Variants in TBC1D2B observed in about 807,000 individuals in gnomAD.
TBC1D2B encodes the protein TBC1 domain family member 2B, also known as TBC1 domain family, member 2B.
In TBC1D2B, 64 loss-of-function variants were observed where a neutral mutation model predicts 100.8. The observed-to-expected ratio is 0.64, with a 90% CI of 0.52 to 0.78. The LOEUF (loss-of-function observed/expected upper bound fraction) is 0.78, where lower values mean the gene tolerates loss of function less well. Among genes scored for constraint, TBC1D2B ranks in the 30% least tolerant of loss-of-function variants. TBC1D2B has a pLI of 0.00. For missense variants in TBC1D2B, 1,052 were observed against 1,218.4 expected (o/e 0.86, Z 2.03); for synonymous variants, 480 against 479.7 (o/e 1.00, Z -0.01).
chr15:78,018,426 A>T (rs1424181531), intron 6 of TBC1D2B, among the ~76,000 whole-genome samples: 1 of 152,230 alleles, frequency 6.6e-6, no homozygotes, highest in Non-Finnish European at 1.5e-5. Context: ...GCCCATAACT[A>T]AAAATCACTC....
At chr15:78,029,059 ATTT>A (rs145096122) in intron 4 of TBC1D2B, among the ~76,000 whole-genome samples, 4 of 145,994 alleles carry the variant, frequency 2.7e-5, no homozygotes, top group African/African-American at 1.0e-4. Context: ...TGTGGTTATA[ATTT>A]TTTTTTTTTT....
intron 9 of TBC1D2B, among the ~76,000 whole-genome samples, chr15:78,012,015 T>C (rs1296073586): frequency 6.6e-6 from 1 of 152,214 alleles, no homozygotes; most frequent in Non-Finnish European, 1.5e-5. Context: ...GCTCAAGCGA[T>C]CCTTCCACCT....
At chr15:78,022,829 G>A (rs1235525379) in intron 6 of TBC1D2B, among the ~76,000 whole-genome samples, 2 of 152,004 alleles carry the variant, frequency 1.3e-5, no homozygotes, top group Non-Finnish European at 2.9e-5. Context: ...TATCACAGGC[G>A]TGAGCCACTA....
At chr15:78,036,343 G>T (rs1001408750) in intron 3 of TBC1D2B, among the ~76,000 whole-genome samples, 2 of 152,202 alleles carry the variant, frequency 1.3e-5, no homozygotes, top group Non-Finnish European at 1.5e-5. Flanking sequence ...TGCAAGCCAG[G>T]TCACTTGCTA....
At chr15:78,009,276 T>C (rs2141644220) in intron 9 of TBC1D2B, among the ~76,000 whole-genome samples, 162 bp from the exon 10 acceptor site, 1 of 152,330 alleles carries the variant, frequency 6.6e-6, no homozygotes, top group Admixed American at 6.5e-5. Flanking sequence ...GGCTCACGCC[T>C]ATTATACTAG....
chr15:78,016,153 A>C (rs1468639769), intron 8 of TBC1D2B, among the ~76,000 whole-genome samples: 1 of 152,048 alleles, frequency 6.6e-6, no homozygotes, highest in African/African-American at 2.4e-5. Flanking sequence ...TTCCCCAAAA[A>C]TATATGGGGG....
In TBC1D2B at chr15:78,025,482, C is replaced by T; in HGVS notation, c.863G>A (p.Gly288Glu). 1.2e-6 allele frequency: 2 copies of T among 1,612,308 alleles called. No homozygotes were observed. The highest frequency in any genetic ancestry group is 1.7e-6 in the Non-Finnish European group (2 of 1,179,140). The change falls in exon 5 of 13, where the codon GGA becomes GAA. Residue 288 changes from glycine to glutamate, a missense_variant. Transcript: ENST00000300584. ...GTTACGTCCAAAATCAAAGGGGAATCCTGAGCCAGTTACTCCTACATAAAA... is the reference window on the plus strand; with the variant it reads ...GTTACGTCCAAAATCAAAGGGGAATTCTGAGCCAGTTACTCCTACATAAAA... ...PEGNKGVTGS[G>E]FPFDFGRNPY...
intron 6 of TBC1D2B, among the ~76,000 whole-genome samples, chr15:78,023,067 C>A (rs1232673959): frequency 6.6e-6 from 1 of 152,088 alleles, no homozygotes; most frequent in Non-Finnish European, 1.5e-5. Flanking sequence ...CTTCAGGGTC[C>A]CTAGCATGCC....
chr15:78,061,551 T>C (rs2073545952), intron 1 of TBC1D2B, among the ~76,000 whole-genome samples: 1 of 150,554 alleles, frequency 6.6e-6, no homozygotes. Flanking sequence ...CCAGGCTGGG[T>C]GACAGAGCGA....
rs1473797716 is a variant in TBC1D2B, at chr15:77,997,042, G to A, written c.*1118C>T. ...GAACAAGGATGTTCCAGGCAGTGGT[G>A]GGGTGGGCACACATCTGGGAGAGCT... is the stretch of plus-strand genomic sequence containing the variant. On this transcript the variant is annotated 3_prime_UTR_variant, in exon 13 of 13. Coordinates refer to ENST00000300584, the MANE Select transcript of TBC1D2B (RefSeq NM_144572.2). 1 of 152,244 alleles carries A rather than the reference G, an allele frequency of 6.6e-6. No individual in the cohort carries two copies. Among genetic ancestry groups the A allele is most frequent in the East Asian group, 1.9e-4 (1 of 5,200 alleles). The allele number at this position is 152,244 out of a possible 1,614,324, so 9.4% of individuals were successfully genotyped here. A position where few individuals can be genotyped will look rare whatever the true frequency, so the allele number is the denominator to read the frequency against.
At chr15:78,034,508 C>T in intron 3 of TBC1D2B, 1 of 985,440 alleles carries the variant, frequency 1.0e-6, no homozygotes, top group Non-Finnish European at 1.2e-6. Flanking sequence ...TGCTCCTCAG[C>T]TCTGGTTCCT....
intron 3 of TBC1D2B, among the ~76,000 whole-genome samples, chr15:78,039,910 C>T (rs370024581): frequency 6.6e-6 from 1 of 152,138 alleles, no homozygotes; most frequent in African/African-American, 2.4e-5. Context: ...ACAATGTGAC[C>T]CCACTCTTGA....
At chr15:78,034,563 A>C (rs1292628227) in intron 3 of TBC1D2B, 1 of 985,274 alleles carries the variant, frequency 1.0e-6, no homozygotes, top group Non-Finnish European at 1.2e-6. Flanking sequence ...GGACACCCCC[A>C]CACGGCCTGG....
chr15:77,998,127 G>A lies in TBC1D2B; in HGVS notation c.*33C>T. On this transcript the variant is annotated 3_prime_UTR_variant, in exon 13 of 13. Transcript: ENST00000300584. ...TTCACCCTTTGGGCACACTTTGGTT[G>A]TGAAGGAAGGAAGAGCAGCATCCCG... The A allele has an allele frequency of 6.8e-7, 1 of 1,480,410 alleles. No individual in the cohort carries two copies. Among genetic ancestry groups the A allele is most frequent in the East Asian group, 2.6e-5 (1 of 38,288 alleles). 91.7% of individuals were successfully genotyped at this position (1,480,410 alleles called of 1,614,324 possible).
chr15:78,019,143 C>T (rs1216264505), intron 6 of TBC1D2B, among the ~76,000 whole-genome samples: 2 of 152,114 alleles, frequency 1.3e-5, no homozygotes, highest in African/African-American at 4.8e-5. Context: ...AACAAGAAAC[C>T]ACCACGGGAT....
intron 1 of TBC1D2B, among the ~76,000 whole-genome samples, chr15:78,068,316 T>C (rs1329354961): frequency 6.6e-6 from 1 of 151,820 alleles, no homozygotes; most frequent in Non-Finnish European, 1.5e-5. Context: ...TGCTCAAAAA[T>C]ATTTGCTGAG....
rs749407980 is a variant in TBC1D2B, at chr15:78,040,835, GAAA to G, written c.683+4062_683+4064del. On this transcript the variant is annotated intron_variant, in intron 3 of 12. Coordinates refer to ENST00000300584, the MANE Select transcript of TBC1D2B (RefSeq NM_144572.2). ...AAAAAGCAAGAAAGAAGGAAAGAAA[GAAA>G]AAAGAAAGAAAGAAAGGAAGAAAGA... Among the ~76,000 whole-genome samples the G allele has an allele frequency of 5.3e-5, 4 of 75,356 alleles. No individual in the cohort carries two copies. The South Asian group carries it at 1.4e-3, about 26-fold the overall frequency. 49.4% of individuals were successfully genotyped at this position (75,356 alleles called of 152,430 possible). A position where few individuals can be genotyped will look rare whatever the true frequency, so the allele number is the denominator to read the frequency against.
chr15:78,051,052 G>A (rs2073303313), intron 2 of TBC1D2B, among the ~76,000 whole-genome samples: 1 of 152,186 alleles, frequency 6.6e-6, no homozygotes, highest in Non-Finnish European at 1.5e-5. Context: ...CAGCTAGCAT[G>A]AGCAGGAAAG....
intron 4 of TBC1D2B, 123 bp downstream of exon 4, chr15:78,029,884 G>T: frequency 1.5e-6 from 1 of 663,756 alleles, no homozygotes; most frequent in Non-Finnish European, 2.3e-6. Context: ...CCGACAAAGA[G>T]AATGCAAGCC....
Sources: gnomAD v4.1 joint callset for allele counts (sites outside exome capture counted in the v4.1 genomes callset) on GRCh38, gnomAD v4.1.1 for gene constraint, MANE v1.5 for transcripts, NCBI Gene and HGNC (gene_info 2026-07-23, HGNC 2026-07-21) for gene names.